CLIP2: variants seen among roughly 807,000 people sequenced by gnomAD.
CLIP2 encodes CAP-Gly domain containing linker protein 2, also known as CAP-Gly domain-containing linker protein 2.
In CLIP2, 41 loss-of-function variants were observed where a neutral mutation model predicts 111.7. That is an observed-to-expected ratio of 0.37 (90% CI 0.29 to 0.48). CLIP2 has a LOEUF of 0.48. Ranked by LOEUF, CLIP2 falls within the 20% of genes least tolerant of loss-of-function variation. The pLI, the probability that CLIP2 is intolerant of heterozygous loss-of-function variation, is 0.99. For missense variants in CLIP2, 1,160 were observed against 1,422.1 expected (o/e 0.82, Z 2.96); for synonymous variants, 660 against 644.2 (o/e 1.02, Z -0.37).
Position 74,376,911 on chromosome 7 carries a change from C to T in CLIP2, c.2421+89C>T, listed in dbSNP as rs978225320. On this transcript the variant is annotated intron_variant, in intron 10 of 16. Coordinates refer to ENST00000223398, the MANE Select transcript of CLIP2 (RefSeq NM_003388.5). This position sits in a 1 kb window ranked among gnomAD's most constrained non-coding sequence, Gnocchi z 7.1. ...GACCTCTGTTCTGCAGCCCAGGAAG[C>T]ATTTCCCTTGTCCCCGAGAGCATGC... 2.7e-5 allele frequency: 35 copies of T among 1,276,084 alleles called. No homozygotes were observed. In the East Asian group the frequency reaches 8.9e-4, roughly 32 times the overall value. 79.0% of individuals were successfully genotyped at this position (1,276,084 alleles called of 1,614,324 possible). A position where few individuals can be genotyped will look rare whatever the true frequency, so the allele number is the denominator to read the frequency against.
intron 3 of CLIP2, among the ~76,000 whole-genome samples, chr7:74,350,220 T>A (rs1199470314): frequency 6.6e-6 from 1 of 151,892 alleles, no homozygotes; most frequent in African/African-American, 2.4e-5. Flanking sequence ...CCCAGCTAAT[T>A]TTTATATTTT....
At position 74,403,925 on chromosome 7, in the gene CLIP2, A is replaced by T; in HGVS notation, c.*77A>T. 1 of 1,489,288 alleles carries T rather than the reference A, an allele frequency of 6.7e-7. No homozygotes were observed. Among genetic ancestry groups the T allele is most frequent in the Non-Finnish European group, 9.3e-7 (1 of 1,071,614 alleles). The allele number at this position is 1,489,288 out of a possible 1,614,324, so 92.3% of individuals were successfully genotyped here. The stretch of plus-strand genomic sequence containing the variant: ...CTGCCCGGCAGTACCTCCTCCAGGC[A>T]GGAGCCGGGACTGTCACTTTGGAGA... On this transcript the variant is annotated 3_prime_UTR_variant, in exon 17 of 17. Coordinates refer to ENST00000223398, the MANE Select transcript of CLIP2 (RefSeq NM_003388.5).
At chr7:74,348,124 C>A (rs573092135) in intron 3 of CLIP2, among the ~76,000 whole-genome samples, 5 of 151,916 alleles carry the variant, frequency 3.3e-5, no homozygotes, top group Admixed American at 2.0e-4. Context: ...GAGCCGAGAT[C>A]ATGCCACTGC....
At position 74,338,896 on chromosome 7, in the gene CLIP2, C is replaced by A. The variant is rs1348011770; in HGVS notation, c.570C>A (p.Ser190Arg). ...GCCGCGTCATCCCCCTGCGGGAGAG[C>A]GTCCTCAACAGCTCCGTGAAGACTG... ...LTSRVIPLRESVLNSSVKTGN... is the reference protein window; with the variant it reads ...LTSRVIPLRERVLNSSVKTGN... The change falls in exon 3 of 17, where the codon AGC becomes AGA. Residue 190 changes from serine (S) to arginine (R), a missense_variant. By Grantham distance (110) the Ser-to-Arg change is moderately radical (BLOSUM62 -1). Transcript: ENST00000223398. This position sits in a 1 kb window ranked among gnomAD's most constrained non-coding sequence, Gnocchi z 4.3. 6.2e-7 allele frequency: 1 copy of A among 1,604,942 alleles called. No individual in the cohort carries two copies. The highest frequency in any genetic ancestry group is 8.5e-7 in the Non-Finnish European group (1 of 1,179,890).
Position 74,338,586 on chromosome 7 carries a change from T to G in CLIP2, c.260T>G (p.Val87Gly). 2 of 1,571,274 alleles carry G rather than the reference T, an allele frequency of 1.3e-6. No homozygotes were observed. Among genetic ancestry groups the G allele is most frequent in the East Asian group, 2.4e-5 (1 of 42,064 alleles). ...GDFVVGERVW[V>G]NGVKPGVVQY... ...TTTGTGGTGGGCGAGCGGGTGTGGG[T>G]GAACGGCGTGAAGCCAGGCGTGGTG... The change falls in exon 3 of 17, where the codon GTG (valine) becomes GGG (glycine). Residue 87 changes from valine (V) to glycine (G), a missense_variant. Around this residue, in one of 5 missense-constraint regions of CLIP2, gnomAD observed 301 missense variants for 315.2 expected, o/e 0.96. Transcript: ENST00000223398. This position sits in a 1 kb window ranked among gnomAD's most constrained non-coding sequence, Gnocchi z 4.3.
chr7:74,291,742 CTGT>C (rs1252988721), intron 1 of CLIP2, among the ~76,000 whole-genome samples: 3 of 152,146 alleles, frequency 2.0e-5, no homozygotes, highest in Admixed American at 6.6e-5. Flanking sequence ...CCGGCACCTG[CTGT>C]TCTCTGCCTC....
In CLIP2 at chr7:74,347,954, C is replaced by T. The variant is rs965126437; in HGVS notation, c.679-5926C>T. Among the ~76,000 whole-genome samples, 22 of 151,644 alleles carry T rather than the reference C, an allele frequency of 1.5e-4. 1 individual carries two copies. The highest frequency in any genetic ancestry group is 1.5e-5 in the Non-Finnish European group (1 of 67,834). Reference sequence around the variant, plus strand: ...CAGCACTTTGGGAGGCCAAGACGGGCGGATCACTTGAGGTCAGGAGTTCCA... The same window carrying T: ...CAGCACTTTGGGAGGCCAAGACGGGTGGATCACTTGAGGTCAGGAGTTCCA... On this transcript the variant is annotated intron_variant, in intron 3 of 16. Coordinates refer to ENST00000223398, the MANE Select transcript of CLIP2 (RefSeq NM_003388.5).
At chr7:74,402,197 G>A (rs188295168) in intron 16 of CLIP2, among the ~76,000 whole-genome samples, 1 of 152,104 alleles carries the variant, frequency 6.6e-6, no homozygotes, top group East Asian at 1.9e-4. Flanking sequence ...GGGCGTGGTG[G>A]CGGGCACCTG....
chr7:74,401,854 C>T lies in CLIP2; in HGVS notation c.3129+287C>T, dbSNP rs150657066. 7.4e-3 allele frequency among the ~76,000 whole-genome samples: 1,120 copies of T among 152,216 alleles called. 12 individuals are homozygous for T. Among genetic ancestry groups the T allele is most frequent in the African/African-American group, 0.025 (1,034 of 41,550 alleles). ...GCCAAGGCAGGAGGATCATTTGAGC[C>T]CAGGAGTTTGAGACCAGCCTGGCCA... On this transcript the variant is annotated intron_variant, in intron 16 of 16. Transcript: ENST00000223398.
intron 8 of CLIP2, among the ~76,000 whole-genome samples, chr7:74,365,863 T>C (rs1243362536): frequency 2.6e-5 from 4 of 152,122 alleles, no homozygotes; most frequent in African/African-American, 9.7e-5. Context: ...CAAGTGATGC[T>C]TTGCCTCAGC....
At chr7:74,304,344 T>A (rs970717630) in intron 1 of CLIP2, among the ~76,000 whole-genome samples, 2 of 151,444 alleles carry the variant, frequency 1.3e-5, no homozygotes, top group African/African-American at 2.4e-5. Flanking sequence ...CTGGCCAACA[T>A]AGTGAAACCT....
At chr7:74,383,617 C>T (rs1791004461) in intron 11 of CLIP2, among the ~76,000 whole-genome samples, 1 of 152,118 alleles carries the variant, frequency 6.6e-6, no homozygotes, top group Admixed American at 6.6e-5. Context: ...TTAAAGCAAA[C>T]ACTTCAATGG....
intron 2 of CLIP2, among the ~76,000 whole-genome samples, chr7:74,336,851 G>GT (rs1433031631): frequency 6.0e-4 from 13 of 21,632 alleles, no homozygotes; most frequent in Non-Finnish European, 1.3e-3. Context: ...ATGGTTGTTT[G>GT]TTTTTTTTGT....
rs1789945577 is a variant in CLIP2 at position 74,350,257 on chromosome 7, G to T, written c.679-3623G>T. ...AGTAGAGATGGGGTTTCACCATGTT[G>T]CCCAGGCTGGTCTCAAACTTCTGAG... is the stretch of plus-strand genomic sequence containing the variant. On this transcript the variant is annotated intron_variant, in intron 3 of 16. Transcript: ENST00000223398. Among the ~76,000 whole-genome samples the T allele has an allele frequency of 2.6e-5, 4 of 152,146 alleles. No individual in the cohort carries two copies. In the South Asian group the frequency reaches 8.3e-4, roughly 32 times the overall value.
intron 2 of CLIP2, among the ~76,000 whole-genome samples, chr7:74,329,976 G>A (rs1170520946): frequency 2.0e-5 from 3 of 151,710 alleles, no homozygotes; most frequent in African/African-American, 7.3e-5. Context: ...ACGGGGTTTC[G>A]CCATGTTGGT....
intron 6 of CLIP2, among the ~76,000 whole-genome samples, chr7:74,358,946 CTGT>C (rs1790233108): frequency 6.6e-6 from 1 of 152,012 alleles, no homozygotes; most frequent in Non-Finnish European, 1.5e-5. Flanking sequence ...GACTAGTCCC[CTGT>C]TGTTTAGATT....
chr7:74,389,000 C>T (rs1367147525), intron 12 of CLIP2, 103 bp from the exon 13 acceptor site: 3 of 1,375,942 alleles, frequency 2.2e-6, no homozygotes, highest in South Asian at 2.9e-5. Flanking sequence ...TCACCTTCAT[C>T]CCCTGGGAGA....
At chr7:74,330,317 C>T (rs534376689) in intron 2 of CLIP2, among the ~76,000 whole-genome samples, 5 of 148,902 alleles carry the variant, frequency 3.4e-5, no homozygotes, top group South Asian at 2.1e-4. Context: ...AGTGCAGTGG[C>T]GCAATCTCGG....
At chr7:74,364,903 G>A (rs532368137) in intron 8 of CLIP2, 5 of 455,254 alleles carry the variant, frequency 1.1e-5, no homozygotes, top group Admixed American at 2.4e-5. Context: ...TGCACCTGTG[G>A]TCCCAGCTAC....
Sources: allele counts gnomAD v4.1 joint callset (sites outside exome capture counted in the v4.1 genomes callset), GRCh38; gene constraint gnomAD v4.1.1; regional missense constraint gnomAD v4.1.1; non-coding constraint Gnocchi (gnomAD v3.1); transcripts MANE v1.5; gene names NCBI Gene and HGNC (gene_info 2026-07-23, HGNC 2026-07-21).